The following MAF variants were observed in gnomAD, a reference collection of about 807,000 sequenced individuals.
MAF encodes MAF bZIP transcription factor.
A neutral mutation model predicts 22.0 loss-of-function variants in MAF; 10 were observed. The ratio of observed to expected loss-of-function variants is 0.45; its 90% CI spans 0.28 to 0.77. The LOEUF (loss-of-function observed/expected upper bound fraction) is 0.77, where lower values mean the gene tolerates loss of function less well. Among genes scored for constraint, MAF ranks in the 30% least tolerant of loss-of-function variants. The pLI, the probability that MAF is intolerant of heterozygous loss-of-function variation, is 0.12. For missense variants in MAF, 544 were observed against 548.4 expected, an observed-to-expected ratio of 0.99 and a Z score of 0.08; for synonymous variants, 337 against 255.8, an observed-to-expected ratio of 1.32 and a Z score of -3.03.
At chr16:79,446,296 ATG>A in the MAF span, among the ~76,000 whole-genome samples, 1 of 151,992 alleles carries the variant, frequency 6.6e-6, no homozygotes, top group African/African-American at 2.4e-5. Flanking sequence ...AGTTACCAAT[ATG>A]TGTTTTTGAA....
the MAF span, among the ~76,000 whole-genome samples, chr16:79,342,937 G>A: frequency 6.6e-6 from 1 of 151,930 alleles, no homozygotes; most frequent in East Asian, 1.9e-4. Flanking sequence ...ACCATTAATT[G>A]CTTGAAAAAA....
At chr16:79,227,763 G>A in the MAF span, among the ~76,000 whole-genome samples, 12 of 151,490 alleles carry the variant, frequency 7.9e-5, no homozygotes, top group African/African-American at 2.9e-4. Context: ...TACATTTTAC[G>A]CTACTCTAAA....
At chr16:79,500,269 A>T in the MAF span, among the ~76,000 whole-genome samples, 1 of 152,216 alleles carries the variant, frequency 6.6e-6, no homozygotes, top group Admixed American at 6.5e-5. Flanking sequence ...AGAGAGGGAG[A>T]AAGGAACAGT....
At chr16:79,417,624 A>G in the MAF span, among the ~76,000 whole-genome samples, 1 of 152,108 alleles carries the variant, frequency 6.6e-6, no homozygotes, top group African/African-American at 2.4e-5. Context: ...GGGGGTCCCC[A>G]GCCCTACCGA....
chr16:79,481,333 T>C, the MAF span, among the ~76,000 whole-genome samples: 109 of 152,218 alleles, frequency 7.2e-4, 1 homozygote, highest in Non-Finnish European at 1.2e-3. Context: ...AAGTTATTTA[T>C]AGAGTTGTGC....
the MAF span, among the ~76,000 whole-genome samples, chr16:79,534,186 G>T: frequency 1.3e-5 from 2 of 152,198 alleles, no homozygotes; most frequent in African/African-American, 2.4e-5. Context: ...CTTTGAAGTA[G>T]ACTGTAAATT....
the MAF span, among the ~76,000 whole-genome samples, chr16:79,528,932 T>C: frequency 6.6e-6 from 1 of 152,220 alleles, no homozygotes; most frequent in Non-Finnish European, 1.5e-5. Flanking sequence ...AAGATTTCCC[T>C]ACATTTGCAT....
At chr16:79,539,405 G>A in the MAF span, among the ~76,000 whole-genome samples, 1 of 152,154 alleles carries the variant, frequency 6.6e-6, no homozygotes, top group Non-Finnish European at 1.5e-5. Context: ...AGAGGGGGCT[G>A]AGGCAAGAGA....
At chr16:79,362,834 C>G in the MAF span, among the ~76,000 whole-genome samples, 1 of 152,214 alleles carries the variant, frequency 6.6e-6, no homozygotes, top group Non-Finnish European at 1.5e-5. Context: ...GTGCTTTGCT[C>G]TTACAAAAGA....
At chr16:79,266,258 T>G in the MAF span, among the ~76,000 whole-genome samples, 1 of 152,160 alleles carries the variant, frequency 6.6e-6, no homozygotes, top group Non-Finnish European at 1.5e-5. Context: ...AATTTAAAAC[T>G]TATAAATTGT....
chr16:79,386,725 T>G, the MAF span, among the ~76,000 whole-genome samples: 4 of 152,078 alleles, frequency 2.6e-5, no homozygotes, highest in Non-Finnish European at 5.9e-5. Flanking sequence ...CAGCACAGAC[T>G]CAGTGATGGG....
At chr16:79,385,749 A>C in the MAF span, among the ~76,000 whole-genome samples, 1 of 152,072 alleles carries the variant, frequency 6.6e-6, no homozygotes, top group African/African-American at 2.4e-5. Context: ...AAAAATACAA[A>C]ATTTAGCTGG....
At chr16:79,552,982 T>C in the MAF span, among the ~76,000 whole-genome samples, 1 of 152,142 alleles carries the variant, frequency 6.6e-6, no homozygotes, top group East Asian at 1.9e-4. Flanking sequence ...TGAGGTAAAA[T>C]TGAAAAAACA....
the MAF span, among the ~76,000 whole-genome samples, chr16:79,580,100 T>C: frequency 1.3e-5 from 2 of 152,256 alleles, no homozygotes; most frequent in South Asian, 4.1e-4. Flanking sequence ...CACGCCTCTG[T>C]CAAACCTCCC....
the MAF span, among the ~76,000 whole-genome samples, chr16:79,278,135 A>G: frequency 6.6e-6 from 1 of 152,182 alleles, no homozygotes; most frequent in African/African-American, 2.4e-5. Context: ...TCTAATTAGG[A>G]CTAGATTGAG....
intron 1 of MAF, among the ~76,000 whole-genome samples, chr16:79,586,643 T>G (rs541993798): frequency 6.6e-6 from 1 of 152,362 alleles, no homozygotes; most frequent in South Asian, 2.1e-4. Context: ...AGTAGTTAGC[T>G]TTCTATGGTT....
At chr16:79,443,184 T>C in the MAF span, among the ~76,000 whole-genome samples, 2 of 152,148 alleles carry the variant, frequency 1.3e-5, no homozygotes, top group African/African-American at 4.8e-5. Flanking sequence ...CTCCTTGGTG[T>C]CCAAGATGAC....
chr16:79,556,038 A>G, the MAF span, among the ~76,000 whole-genome samples: 2 of 149,444 alleles, frequency 1.3e-5, no homozygotes, highest in African/African-American at 5.1e-5. Context: ...TAGTTTGTTT[A>G]GTTTAGTTTA....
chr16:79,390,160 C>G, the MAF span, among the ~76,000 whole-genome samples: 1 of 151,914 alleles, frequency 6.6e-6, no homozygotes, highest in South Asian at 2.1e-4. Flanking sequence ...ATCGTGGGAG[C>G]TGAAGCACTC....
Sources: allele counts gnomAD v4.1 joint callset (sites outside exome capture counted in the v4.1 genomes callset), GRCh38; gene constraint gnomAD v4.1.1; transcripts MANE v1.5; gene names NCBI Gene and HGNC (gene_info 2026-07-23, HGNC 2026-07-21).